The following ANO3 variants were observed in gnomAD, a reference collection of about 807,000 sequenced individuals.
The protein encoded by ANO3 is anoctamin-3.
A neutral mutation model predicts 144.8 loss-of-function variants in ANO3; 99 were observed. The ratio of observed to expected loss-of-function variants is 0.68; its 90% CI spans 0.58 to 0.81. The LOEUF is 0.81. ANO3 is among the 30% of genes least tolerant of loss of function. ANO3 has a pLI of 0.00. For synonymous variants in ANO3, 414 were observed against 392.6 expected (o/e 1.05, Z -0.64); for missense variants, 905 against 1,202.2 (o/e 0.75, Z 3.66).
intron 1 of ANO3, among the ~76,000 whole-genome samples, chr11:26,294,107 C>T (rs1854031651): frequency 6.6e-6 from 1 of 151,974 alleles, no homozygotes. Flanking sequence ...GAAAGTGGGC[C>T]CGGTGGAAAT....
chr11:26,304,133 G>T (rs36054294), intron 1 of ANO3, among the ~76,000 whole-genome samples: 5,928 of 151,884 alleles, frequency 0.039, 403 homozygotes, highest in African/African-American at 0.14. Flanking sequence ...CATTTTCTTC[G>T]ATTACTACTA....
intron 1 of ANO3, among the ~76,000 whole-genome samples, chr11:26,234,913 T>C (rs568737106): frequency 6.6e-6 from 1 of 151,614 alleles, no homozygotes; most frequent in African/African-American, 2.4e-5. Flanking sequence ...GGGCCAGAAG[T>C]GCCAACGGTG....
At chr11:26,541,762 G>A (rs989757749) in intron 10 of ANO3, among the ~76,000 whole-genome samples, 185 bp from the exon 11 acceptor site, 6 of 151,856 alleles carry the variant, frequency 4.0e-5, no homozygotes, top group African/African-American at 1.2e-4. Flanking sequence ...AATAACTATC[G>A]GACTATTTTT....
intron 5 of ANO3, chr11:26,508,731 AAAAT>A (rs1332394438): frequency 6.5e-6 from 1 of 153,838 alleles, no homozygotes; most frequent in Non-Finnish European, 1.4e-5. Flanking sequence ...CACTAGAAAA[AAAAT>A]AGAAAGAAGG....
intron 1 of ANO3, among the ~76,000 whole-genome samples, chr11:26,304,548 T>C (rs542070933): frequency 2.0e-5 from 3 of 152,298 alleles, no homozygotes; most frequent in Admixed American, 6.5e-5. Flanking sequence ...ATTTATCTAA[T>C]ATAGATAAAT....
At chr11:26,231,853 A>C (rs1852406592) in intron 1 of ANO3, among the ~76,000 whole-genome samples, 1 of 152,198 alleles carries the variant, frequency 6.6e-6, no homozygotes, top group Non-Finnish European at 1.5e-5. Flanking sequence ...ATTTGGAGTC[A>C]AACAGTCCTT....
chr11:26,453,570 A>T (rs1411649822), intron 3 of ANO3, among the ~76,000 whole-genome samples: 2 of 152,116 alleles, frequency 1.3e-5, no homozygotes, highest in Non-Finnish European at 2.9e-5. Flanking sequence ...GAGCACCCAG[A>T]TTCATAAAGC....
intron 1 of ANO3, among the ~76,000 whole-genome samples, chr11:26,381,002 A>G (rs149474637): frequency 6.2e-4 from 95 of 152,232 alleles, no homozygotes; most frequent in African/African-American, 2.1e-3. Context: ...CAAAACAAAA[A>G]AGAAAAAGAA....
chr11:26,293,533 G>GTATA (rs59115569), intron 1 of ANO3, among the ~76,000 whole-genome samples: 16 of 25,924 alleles, frequency 6.2e-4, no homozygotes, highest in African/African-American at 1.8e-3. Context: ...TAAATTCCAT[G>GTATA]TATATATATA....
At chr11:26,583,158 CTGCTCTGGTCAAGATTGAG>C (rs1851179781) in intron 14 of ANO3, among the ~76,000 whole-genome samples, 1 of 152,190 alleles carries the variant, frequency 6.6e-6, no homozygotes, top group Admixed American at 6.5e-5. Context: ...AGTTAAGAGT[CTGCTCTGGTCAAGATTGAG>C]TGAGAGTTCT....
At chr11:26,590,881 G>A (rs1490192161) in intron 14 of ANO3, among the ~76,000 whole-genome samples, 2 of 152,248 alleles carry the variant, frequency 1.3e-5, no homozygotes, top group East Asian at 1.9e-4. Flanking sequence ...AGAGTGTGCA[G>A]CTGCAAGATT....
intron 26 of ANO3, among the ~76,000 whole-genome samples, chr11:26,658,704 T>G (rs1853776526): frequency 6.6e-6 from 1 of 152,176 alleles, no homozygotes; most frequent in African/African-American, 2.4e-5. Flanking sequence ...TTTATTCCTA[T>G]ACCCTTGAGG....
chr11:26,261,661 A>G (rs1202079092), intron 1 of ANO3, among the ~76,000 whole-genome samples: 1 of 152,208 alleles, frequency 6.6e-6, no homozygotes, highest in East Asian at 1.9e-4. Context: ...ACTAGGGCAC[A>G]CCAAGGCAAA....
intron 18 of ANO3, among the ~76,000 whole-genome samples, chr11:26,631,282 ATTGT>A (rs932385491): frequency 6.6e-6 from 1 of 151,946 alleles, no homozygotes; most frequent in Admixed American, 6.5e-5. Context: ...AAAACATTTT[ATTGT>A]TTATTTTTGT....
chr11:26,208,902 T>C (rs1851873222), intron 1 of ANO3, among the ~76,000 whole-genome samples: 1 of 152,192 alleles, frequency 6.6e-6, no homozygotes, highest in Admixed American at 6.5e-5. Flanking sequence ...CCTGGAAATG[T>C]AAGATGTAAC....
At chr11:26,640,782 C>T (rs1034603480) in intron 21 of ANO3, among the ~76,000 whole-genome samples, 16 of 152,042 alleles carry the variant, frequency 1.1e-4, no homozygotes, top group African/African-American at 3.6e-4. Context: ...GAAAATTGAG[C>T]GGGAGTAGAC....
Position 26,197,451 on chromosome 11 carries a change from T to A in ANO3, c.154+8121T>A, listed in dbSNP as rs191876049. ...GCAACCTCCACCTCCCAGGTTCAAG[T>A]GATTCTCCTGCCTCAGCCTCCTGAG... On this transcript the variant is annotated intron_variant, in intron 1 of 27. Coordinates refer to the ANO3 transcript ENST00000672621. 1.6e-3 allele frequency among the ~76,000 whole-genome samples: 251 copies of A among 152,134 alleles called. 3 individuals carry two copies. Among genetic ancestry groups the A allele is most frequent in the African/African-American group, 5.6e-3 (234 of 41,508 alleles).
intron 12 of ANO3, 71 bp downstream of exon 12, chr11:26,547,621 C>A: frequency 7.3e-7 from 1 of 1,368,420 alleles, no homozygotes; most frequent in Non-Finnish European, 1.0e-6. Context: ...AATGATAATG[C>A]TGACTATAAA....
At chr11:26,243,657 A>G (rs1852713782) in intron 1 of ANO3, among the ~76,000 whole-genome samples, 2 of 152,208 alleles carry the variant, frequency 1.3e-5, no homozygotes, top group Non-Finnish European at 2.9e-5. Context: ...AAAAATTTTC[A>G]TGGAGATACA....
Sources: allele counts gnomAD v4.1 joint callset (sites outside exome capture counted in the v4.1 genomes callset), GRCh38; gene constraint gnomAD v4.1.1; transcripts MANE v1.5; gene names NCBI Gene and HGNC (gene_info 2026-07-23, HGNC 2026-07-21).